Variants in CHRM3 observed in about 807,000 individuals in gnomAD.
CHRM3 encodes the protein cholinergic receptor muscarinic 3, also known as muscarinic acetylcholine receptor M3.
Under a neutral mutation model 41.8 loss-of-function variants are expected in CHRM3, and 11 were observed. The observed-to-expected ratio is 0.26, with a 90% CI of 0.17 to 0.44. CHRM3 has a LOEUF of 0.44. CHRM3 is among the 20% of genes least tolerant of loss of function. The pLI, the probability that CHRM3 is intolerant of heterozygous loss-of-function variation, is 1.00. For missense variants in CHRM3, 571 were observed against 745.4 expected (o/e 0.77, Z 2.72); for synonymous variants, 297 against 301.4 (o/e 0.99, Z 0.15).
chr1:239,769,009 C>T lies in CHRM3; in HGVS notation c.-146-58243C>T, dbSNP rs540969927. On this transcript the variant is annotated intron_variant, in intron 5 of 6. Coordinates refer to ENST00000676153, the MANE Select transcript of CHRM3 (RefSeq NM_001375978.1). ...CCAACACCTGACCTCAAGTGATCCA[C>T]CCACCTCGGCCTCCCCAAATGCTGG... 1.6e-3 allele frequency among the ~76,000 whole-genome samples: 250 copies of T among 152,294 alleles called. 1 individual carries two copies. The highest frequency in any genetic ancestry group is 5.7e-3 in the African/African-American group (236 of 41,542).
intron 1 of CHRM3, among the ~76,000 whole-genome samples, chr1:239,403,250 C>T (rs541106618): frequency 1.5e-4 from 23 of 152,300 alleles, no homozygotes; most frequent in African/African-American, 5.5e-4. Flanking sequence ...CTTTAGGTAC[C>T]TGTGCAGGCA....
chr1:239,590,597 C>T (rs1664022652), intron 3 of CHRM3, among the ~76,000 whole-genome samples: 1 of 152,100 alleles, frequency 6.6e-6, no homozygotes, highest in Non-Finnish European at 1.5e-5. Flanking sequence ...CCCTATCCCT[C>T]TTCTAGCTTC....
chr1:239,893,757 T>A (rs1024351541), intron 6 of CHRM3, among the ~76,000 whole-genome samples: 2 of 150,438 alleles, frequency 1.3e-5, no homozygotes, highest in East Asian at 3.9e-4. Flanking sequence ...AAAAAAGAAT[T>A]TAGAAAACAT....
intron 5 of CHRM3, among the ~76,000 whole-genome samples, chr1:239,807,423 A>C (rs1216645260): frequency 6.6e-6 from 1 of 152,212 alleles, no homozygotes; most frequent in African/African-American, 2.4e-5. Context: ...ACACCTTCTA[A>C]ACTTATCCTT....
intron 1 of CHRM3, among the ~76,000 whole-genome samples, chr1:239,440,670 T>TTAGTCTCTC (rs1258803098): frequency 6.6e-6 from 1 of 152,212 alleles, no homozygotes; most frequent in East Asian, 1.9e-4. Context: ...TGATGTTTTC[T>TTAGTCTCTC]TTGGTCTCTC....
chr1:239,812,165 G>A (rs1474325404), intron 5 of CHRM3, among the ~76,000 whole-genome samples: 3 of 152,032 alleles, frequency 2.0e-5, no homozygotes, highest in Non-Finnish European at 4.4e-5. Context: ...TCAGCCTCCC[G>A]AGTAGCTGGG....
chr1:239,545,092 G>A (rs1397369012), intron 2 of CHRM3, among the ~76,000 whole-genome samples: 2 of 152,122 alleles, frequency 1.3e-5, no homozygotes, highest in Admixed American at 1.3e-4. Flanking sequence ...CACATCACGG[G>A]ATAAGTTTGG....
chr1:239,575,233 T>C (rs1232456082), intron 3 of CHRM3, among the ~76,000 whole-genome samples: 1 of 152,134 alleles, frequency 6.6e-6, no homozygotes, highest in Non-Finnish European at 1.5e-5. Flanking sequence ...CTCTACGTAT[T>C]AGCACCTTCA....
At chr1:239,643,650 G>A (rs749635527) in intron 4 of CHRM3, among the ~76,000 whole-genome samples, 2 of 152,154 alleles carry the variant, frequency 1.3e-5, no homozygotes, top group Non-Finnish European at 2.9e-5. Flanking sequence ...GGAGTGACCC[G>A]ATTTTCCAGA....
At chr1:239,571,545 G>T (rs1661829473) in intron 3 of CHRM3, among the ~76,000 whole-genome samples, 1 of 152,148 alleles carries the variant, frequency 6.6e-6, no homozygotes. Flanking sequence ...ACACTGACCT[G>T]TTTTAAGATG....
intron 1 of CHRM3, among the ~76,000 whole-genome samples, chr1:239,474,897 G>A (rs908404144): frequency 2.0e-5 from 3 of 152,024 alleles, no homozygotes; most frequent in African/African-American, 7.2e-5. Flanking sequence ...ATAGTAGACT[G>A]TGTTTACATC....
chr1:239,798,171 C>T (rs1274711218), intron 5 of CHRM3, among the ~76,000 whole-genome samples: 1 of 152,158 alleles, frequency 6.6e-6, no homozygotes, highest in Admixed American at 6.5e-5. Context: ...TTCTTCCTCT[C>T]CCTCCTGCTG....
intron 6 of CHRM3, among the ~76,000 whole-genome samples, chr1:239,832,129 G>A (rs1002613823): frequency 8.5e-5 from 13 of 152,198 alleles, no homozygotes; most frequent in African/African-American, 2.7e-4. Context: ...TTGAGAGGAA[G>A]CAGCTGCATG....
intron 6 of CHRM3, among the ~76,000 whole-genome samples, chr1:239,844,172 G>A (rs1230670648): frequency 3.3e-5 from 5 of 151,992 alleles, no homozygotes; most frequent in Non-Finnish European, 7.4e-5. Context: ...TCTCTTGAAC[G>A]TATTCCTCCT....
intron 5 of CHRM3, chr1:239,707,661 CCTT>C (rs1222715849): frequency 2.6e-5 from 4 of 152,132 alleles, no homozygotes; most frequent in Non-Finnish European, 5.9e-5. Context: ...AATAAAACAT[CCTT>C]CTTTTTTTCA....
At chr1:239,534,166 A>G (rs1657970824) in intron 2 of CHRM3, among the ~76,000 whole-genome samples, 1 of 152,158 alleles carries the variant, frequency 6.6e-6, no homozygotes, top group South Asian at 2.1e-4. Context: ...CATCTCTACT[A>G]AAAATACAAA....
chr1:239,538,390 T>C (rs1658412872), intron 2 of CHRM3, among the ~76,000 whole-genome samples: 1 of 152,152 alleles, frequency 6.6e-6, no homozygotes, highest in South Asian at 2.1e-4. Context: ...TTAGCTAAAC[T>C]CCACCTCACC....
At chr1:239,556,435 A>G (rs1171690620) in intron 3 of CHRM3, among the ~76,000 whole-genome samples, 2 of 152,196 alleles carry the variant, frequency 1.3e-5, no homozygotes, top group East Asian at 3.8e-4. Context: ...AGGTAGAGAA[A>G]CACAAGTAGT....
chr1:239,853,883 T>A (rs1278479904), intron 6 of CHRM3, among the ~76,000 whole-genome samples: 1 of 152,130 alleles, frequency 6.6e-6, no homozygotes, highest in African/African-American at 2.4e-5. Context: ...TTTCGTAGTA[T>A]AAAATCCTAG....
Sources: allele counts gnomAD v4.1 joint callset (sites outside exome capture counted in the v4.1 genomes callset), GRCh38; gene constraint gnomAD v4.1.1; transcripts MANE v1.5; gene names NCBI Gene and HGNC (gene_info 2026-07-23, HGNC 2026-07-21).